The following RBFOX1 variants were observed in gnomAD, a reference collection of about 807,000 sequenced individuals.
The protein encoded by RBFOX1 is RNA binding protein fox-1 homolog 1.
Under a neutral mutation model 57.7 loss-of-function variants are expected in RBFOX1, and 8 were observed. The observed-to-expected ratio is 0.14, with a 90% CI of 0.08 to 0.25. RBFOX1 has a LOEUF of 0.25. RBFOX1 is among the 10% of genes least tolerant of loss of function. RBFOX1 has a pLI of 1.00. For synonymous variants in RBFOX1, 326 were observed against 222.4 expected (o/e 1.47, Z -4.15); for missense variants, 611 against 548.5 (o/e 1.11, Z -1.14).
At chr16:7,391,862 T>G (rs1194024547) in intron 4 of RBFOX1, among the ~76,000 whole-genome samples, 3 of 152,166 alleles carry the variant, frequency 2.0e-5, no homozygotes, top group African/African-American at 7.2e-5. Flanking sequence ...GTCCAGACAC[T>G]GATTCTTTTA....
chr16:5,398,511 G>T (rs541889460), intron 1 of RBFOX1, among the ~76,000 whole-genome samples: 1 of 151,910 alleles, frequency 6.6e-6, no homozygotes, highest in Non-Finnish European at 1.5e-5. Flanking sequence ...CATGTGAGCA[G>T]GTGTGCATGC....
chr16:5,555,342 C>T (rs1265809915), intron 2 of RBFOX1, among the ~76,000 whole-genome samples: 1 of 152,064 alleles, frequency 6.6e-6, no homozygotes, highest in Non-Finnish European at 1.5e-5. Flanking sequence ...CAACCTACAC[C>T]TCCTGGGCTC....
rs144437647 is a variant in RBFOX1, at chr16:5,702,310, C to A, written c.318+103349C>A. Among the ~76,000 whole-genome samples, 1,332 of 152,158 alleles carry A rather than the reference C, an allele frequency of 8.8e-3. 29 individuals are homozygous for A. Among genetic ancestry groups the A allele is most frequent in the African/African-American group, 0.031 (1,272 of 41,482 alleles). ...GAGATAGAGCAAAAGGGGATGTGCC[C>A]CACACTTTTAAACCATCAGATCTCG... On this transcript the variant is annotated intron_variant, in intron 3 of 19. Transcript: ENST00000641259.
chr16:5,989,271 C>A (rs561799870), intron 4 of RBFOX1, among the ~76,000 whole-genome samples: 27 of 152,014 alleles, frequency 1.8e-4, no homozygotes, highest in Admixed American at 2.6e-4. Flanking sequence ...GCGGAGTTTA[C>A]AGTGAGCCGA....
At chr16:7,673,412 A>C (rs2146237244) in intron 13 of RBFOX1, among the ~76,000 whole-genome samples, 1 of 152,268 alleles carries the variant, frequency 6.6e-6, no homozygotes, top group South Asian at 2.1e-4. Context: ...CATAATTTTG[A>C]AACTGCTTTA....
intron 3 of RBFOX1, among the ~76,000 whole-genome samples, chr16:5,649,295 A>G (rs1380463626): frequency 1.3e-5 from 2 of 151,890 alleles, no homozygotes; most frequent in Non-Finnish European, 2.9e-5. Context: ...CACCCTCCCA[A>G]GTAGCTGGGA....
chr16:6,620,878 G>C (rs760980646), intron 2 of RBFOX1, among the ~76,000 whole-genome samples: 6 of 152,202 alleles, frequency 3.9e-5, no homozygotes, highest in Non-Finnish European at 7.3e-5. Flanking sequence ...CCTTGTATTA[G>C]TTTGATAGGA....
At chr16:6,916,952 C>T (rs554246039) in intron 3 of RBFOX1, among the ~76,000 whole-genome samples, 4 of 152,200 alleles carry the variant, frequency 2.6e-5, no homozygotes, top group East Asian at 1.9e-4. Flanking sequence ...CAGGTTCAAG[C>T]GGTTTTCCTG....
chr16:7,461,416 T>G (rs2059564109), intron 4 of RBFOX1, among the ~76,000 whole-genome samples: 1 of 152,180 alleles, frequency 6.6e-6, no homozygotes, highest in Admixed American at 6.5e-5. Context: ...TCCGCTCACC[T>G]TAGCCTCCCA....
chr16:5,582,974 T>C (rs768778569), intron 2 of RBFOX1, among the ~76,000 whole-genome samples: 8 of 152,218 alleles, frequency 5.3e-5, no homozygotes, highest in Non-Finnish European at 1.0e-4. Context: ...GTGAGACCTT[T>C]ACAGACATTA....
chr16:7,695,206 T>A (rs1261561028), intron 14 of RBFOX1, among the ~76,000 whole-genome samples: 1 of 152,140 alleles, frequency 6.6e-6, no homozygotes, highest in East Asian at 1.9e-4. Flanking sequence ...CTTCATAAGG[T>A]TCCGTTTGAA....
chr16:7,351,752 C>G (rs933598492), intron 4 of RBFOX1, among the ~76,000 whole-genome samples: 1 of 152,184 alleles, frequency 6.6e-6, no homozygotes, highest in Non-Finnish European at 1.5e-5. Context: ...AGCTGACTTA[C>G]TGTGGTACAA....
chr16:6,003,862 G>C (rs903366974), intron 4 of RBFOX1, among the ~76,000 whole-genome samples: 2 of 152,222 alleles, frequency 1.3e-5, no homozygotes, highest in African/African-American at 4.8e-5. Flanking sequence ...CTTCAAGAGA[G>C]CAGGCCTAGG....
intron 4 of RBFOX1, among the ~76,000 whole-genome samples, chr16:7,338,782 A>G (rs2096840399): frequency 6.6e-6 from 1 of 152,262 alleles, no homozygotes; most frequent in South Asian, 2.1e-4. Flanking sequence ...AAATCTATAA[A>G]GAACTTACAA....
intron 4 of RBFOX1, among the ~76,000 whole-genome samples, chr16:7,407,509 C>T (rs1413220098): frequency 1.3e-5 from 2 of 151,814 alleles, no homozygotes; most frequent in African/African-American, 2.4e-5. Context: ...TCTTTGTATC[C>T]CCAGAGGCTG....
chr16:6,501,895 C>A (rs1049094283), intron 2 of RBFOX1, among the ~76,000 whole-genome samples: 3 of 152,194 alleles, frequency 2.0e-5, no homozygotes, highest in African/African-American at 7.2e-5. Flanking sequence ...TTCATAGATT[C>A]ATGAAATCCT....
Position 7,094,775 on chromosome 16 carries a change from T to TGTGTGG in RBFOX1, c.27+42678_27+42679insTGTGGG, listed in dbSNP as rs879519332. 2.5e-3 allele frequency among the ~76,000 whole-genome samples: 351 copies of TGTGTGG among 139,788 alleles called. 1 individual carries two copies. The highest frequency in any genetic ancestry group is 6.6e-3 in the Admixed American group (93 of 13,988). 91.7% of individuals were successfully genotyped at this position (139,788 alleles called of 152,430 possible). A position where few individuals can be genotyped will look rare whatever the true frequency, so the allele number is the denominator to read the frequency against. ...GTGTGTGTGTGTGTGTGTGTGTGTG[T>TGTGTGG]GGGTGTGTGTGTGTGTTGAGAGAGA... On this transcript the variant is annotated intron_variant, in intron 4 of 15. Coordinates refer to ENST00000550418, the MANE Select transcript of RBFOX1 (RefSeq NM_018723.4).
intron 3 of RBFOX1, among the ~76,000 whole-genome samples, chr16:6,992,185 A>ATTTT (rs2091587581): frequency 6.8e-6 from 1 of 146,984 alleles, no homozygotes; most frequent in African/African-American, 2.5e-5. Context: ...TTTTTTTGAG[A>ATTTT]TGGAGTCTCA....
Position 6,951,202 on chromosome 16 carries a change from C to G in RBFOX1, c.-15-100855C>G, listed in dbSNP as rs185821571. Among the ~76,000 whole-genome samples, 81 of 152,224 alleles carry G rather than the reference C, an allele frequency of 5.3e-4. 1 individual carries two copies. Among genetic ancestry groups the G allele is most frequent in the African/African-American group, 1.7e-3 (71 of 41,536 alleles). On this transcript the variant is annotated intron_variant, in intron 3 of 15. Coordinates refer to ENST00000550418, the MANE Select transcript of RBFOX1 (RefSeq NM_018723.4). Reference sequence around the variant, plus strand: ...GATTATAGGTGTGAGCCAACAGGCCCTGCCTAACTTTTTTTTCTTAACCAG... The same window carrying G: ...GATTATAGGTGTGAGCCAACAGGCCGTGCCTAACTTTTTTTTCTTAACCAG...
Sources: gnomAD v4.1 joint callset for allele counts (sites outside exome capture counted in the v4.1 genomes callset) on GRCh38, gnomAD v4.1.1 for gene constraint, MANE v1.5 for transcripts, NCBI Gene and HGNC (gene_info 2026-07-23, HGNC 2026-07-21) for gene names.